TEAD1: variants seen among roughly 807,000 people sequenced by gnomAD.
The protein encoded by TEAD1 is transcriptional enhancer factor TEF-1.
Under a neutral mutation model 54.9 loss-of-function variants are expected in TEAD1, and 9 were observed. The observed-to-expected ratio is 0.16, with a 90% CI of 0.10 to 0.29. The LOEUF (loss-of-function observed/expected upper bound fraction) is 0.29. Among genes scored for constraint, TEAD1 ranks in the 10% least tolerant of loss-of-function variants. The probability of loss-of-function intolerance (pLI) is 1.00; values close to 1 mark genes in which losing one functional copy is unlikely to be tolerated. For missense variants in TEAD1, 387 were observed against 535.9 expected, an observed-to-expected ratio of 0.72 and a Z score of 2.74; for synonymous variants, 200 against 187.8, an observed-to-expected ratio of 1.07 and a Z score of -0.53.
In TEAD1 at chr11:12,851,815, A is replaced by C. The variant is rs956996150; in HGVS notation, c.203-10435A>C. ...TCTCCAAAAAAAGGAAAAAAAAAAA[A>C]CTATTTATTGAGCACGTACTTAATA... On this transcript the variant is annotated intron_variant, in intron 3 of 12. Coordinates refer to ENST00000527636, the MANE Select transcript of TEAD1 (RefSeq NM_021961.6). Among the ~76,000 whole-genome samples the C allele has an allele frequency of 4.0e-5, 6 of 151,836 alleles. No homozygotes were observed. The South Asian group carries it at 1.0e-3, about 26-fold the overall frequency.
At chr11:12,735,482 C>T (rs1373516355) in intron 2 of TEAD1, among the ~76,000 whole-genome samples, 1 of 152,002 alleles carries the variant, frequency 6.6e-6, no homozygotes, top group Admixed American at 6.6e-5. Context: ...CCAACCAGAC[C>T]TCTGTGTCAT....
chr11:12,856,619 C>T (rs1564965394), intron 3 of TEAD1, among the ~76,000 whole-genome samples: 2 of 152,114 alleles, frequency 1.3e-5, no homozygotes, highest in African/African-American at 4.8e-5. Context: ...ATGTAGAAGA[C>T]CCTTGTTTGA....
At chr11:12,875,840 A>G (rs1172719710) in intron 5 of TEAD1, among the ~76,000 whole-genome samples, 1 of 152,212 alleles carries the variant, frequency 6.6e-6, no homozygotes, top group Non-Finnish European at 1.5e-5. Flanking sequence ...GACTATATGC[A>G]TTGAAAAGTA....
intron 2 of TEAD1, among the ~76,000 whole-genome samples, chr11:12,703,035 A>T (rs1036486339): frequency 1.3e-5 from 2 of 152,104 alleles, no homozygotes; most frequent in African/African-American, 4.8e-5. Flanking sequence ...GCTCCAGGTT[A>T]CTTGTTCTGA....
intron 4 of TEAD1, among the ~76,000 whole-genome samples, chr11:12,864,072 A>T: frequency 5.3e-5 from 1 of 18,834 alleles, no homozygotes; most frequent in Admixed American, 7.4e-4. Context: ...TTATAAGGGC[A>T]AAAAAAAAAA....
At chr11:12,735,562 A>ATTTTTT (rs58093822) in intron 2 of TEAD1, among the ~76,000 whole-genome samples, 2 of 121,042 alleles carry the variant, frequency 1.7e-5, no homozygotes, top group Non-Finnish European at 3.5e-5. Context: ...TCCTGGTTCG[A>ATTTTTT]TTTTTTTTTT....
chr11:12,686,249 G>A (rs938220334), intron 2 of TEAD1, among the ~76,000 whole-genome samples: 9 of 152,158 alleles, frequency 5.9e-5, no homozygotes, highest in South Asian at 2.1e-4. Context: ...TTTCTAGAAT[G>A]GAGAGAAAAT....
intron 2 of TEAD1, among the ~76,000 whole-genome samples, chr11:12,719,584 G>C (rs1016879593): frequency 7.1e-6 from 1 of 140,302 alleles, no homozygotes; most frequent in African/African-American, 2.6e-5. Flanking sequence ...TGGGGGGAGG[G>C]GGGGCGGGGG....
chr11:12,696,981 C>T (rs1182252777), intron 2 of TEAD1, among the ~76,000 whole-genome samples: 2 of 152,150 alleles, frequency 1.3e-5, no homozygotes, highest in East Asian at 1.9e-4. Flanking sequence ...TTGACTTAGT[C>T]CTTTCTGCTG....
intron 2 of TEAD1, among the ~76,000 whole-genome samples, chr11:12,725,625 A>T (rs1281610789): frequency 6.6e-6 from 1 of 152,220 alleles, no homozygotes; most frequent in Non-Finnish European, 1.5e-5. Flanking sequence ...AAAAAAAATT[A>T]AAAAATATGT....
At chr11:12,688,462 C>T (rs1467146817) in intron 2 of TEAD1, among the ~76,000 whole-genome samples, 1 of 152,184 alleles carries the variant, frequency 6.6e-6, no homozygotes, top group East Asian at 1.9e-4. Flanking sequence ...TTTTAGGACT[C>T]TGTGCTCATG....
chr11:12,791,718 T>TG (rs1945805939), intron 3 of TEAD1, among the ~76,000 whole-genome samples: 1 of 152,152 alleles, frequency 6.6e-6, no homozygotes, highest in African/African-American at 2.4e-5. Flanking sequence ...AATATTTTCT[T>TG]GCATTTGAGT....
At position 12,922,418 on chromosome 11, in the gene TEAD1, G is replaced by T. The variant is rs375510438; in HGVS notation, c.874-2494G>T. On this transcript the variant is annotated intron_variant, in intron 10 of 12. Transcript: ENST00000527636. Reference sequence around the variant, plus strand: ...TCACCGTTTTAGCCGGGATGGTCTCGATCTCCTGACCTTGTGATCCGCCCG... The same window carrying T: ...TCACCGTTTTAGCCGGGATGGTCTCTATCTCCTGACCTTGTGATCCGCCCG... 2 of 49,718 alleles carry T rather than the reference G, an allele frequency of 4.0e-5. 1 individual carries two copies. The highest frequency in any genetic ancestry group is 1.5e-4 in the African/African-American group (2 of 13,020). 3.1% of individuals were successfully genotyped at this position (49,718 alleles called of 1,614,324 possible). A position where few individuals can be genotyped will look rare whatever the true frequency, so the allele number is the denominator to read the frequency against.
intron 2 of TEAD1, among the ~76,000 whole-genome samples, chr11:12,716,191 A>G (rs1176907874): frequency 3.3e-5 from 5 of 151,272 alleles, no homozygotes; most frequent in African/African-American, 4.9e-5. Context: ...ACTCCGGCCA[A>G]CTCTCTCCAC....
intron 9 of TEAD1, among the ~76,000 whole-genome samples, chr11:12,901,096 C>G (rs1948419273): frequency 6.6e-6 from 1 of 152,078 alleles, no homozygotes; most frequent in African/African-American, 2.4e-5. Context: ...CAGATTATGC[C>G]CAGGCCTTTG....
chr11:12,709,852 T>C (rs1436076476), intron 2 of TEAD1, among the ~76,000 whole-genome samples: 1 of 152,168 alleles, frequency 6.6e-6, no homozygotes, highest in Non-Finnish European at 1.5e-5. Flanking sequence ...TTTAGAAAGC[T>C]GATCAGCATG....
chr11:12,857,161 A>G (rs985760771), intron 3 of TEAD1, among the ~76,000 whole-genome samples: 1 of 152,226 alleles, frequency 6.6e-6, no homozygotes, highest in African/African-American at 2.4e-5. Flanking sequence ...AGAGAAGCCA[A>G]TGATGGGCTC....
Position 12,706,161 on chromosome 11 carries a change from T to C in TEAD1, c.-55+30600T>C, listed in dbSNP as rs148578326. 9.7e-3 allele frequency among the ~76,000 whole-genome samples: 1,479 copies of C among 152,336 alleles called. 25 individuals are homozygous for C. The highest frequency in any genetic ancestry group is 0.033 in the African/African-American group (1,373 of 41,582). The stretch of plus-strand genomic sequence containing the variant: ...GTTCCAGAGCCTGGCACCAAGTATC[T>C]GGGGATTTTTAGAGCTGACCTCACT... On this transcript the variant is annotated intron_variant, in intron 2 of 12. Coordinates refer to ENST00000527636, the MANE Select transcript of TEAD1 (RefSeq NM_021961.6).
In TEAD1 at chr11:12,787,256, C is replaced by G. The variant is rs552464362; in HGVS notation, c.202+22822C>G. On this transcript the variant is annotated intron_variant, in intron 3 of 12. Transcript: ENST00000527636. The stretch of plus-strand genomic sequence containing the variant: ...GCATGCCACCTGGACACAGCATCAC[C>G]TTGCAGGATCTTTGATTTCTTTTTG... Among the ~76,000 whole-genome samples, 6 of 152,312 alleles carry G rather than the reference C, an allele frequency of 3.9e-5. No individual in the cohort carries two copies. In the South Asian group the frequency reaches 1.2e-3, roughly 32 times the overall value.
Sources: allele counts gnomAD v4.1 joint callset (sites outside exome capture counted in the v4.1 genomes callset), GRCh38; gene constraint gnomAD v4.1.1; transcripts MANE v1.5; gene names NCBI Gene and HGNC (gene_info 2026-07-23, HGNC 2026-07-21).